The following PAPPA variants were observed in gnomAD, a reference collection of about 807,000 sequenced individuals.
The protein encoded by PAPPA is pappalysin-1.
In PAPPA, 60 loss-of-function variants were observed where a neutral mutation model predicts 164.0. The observed-to-expected ratio is 0.37, with a 90% CI of 0.30 to 0.45. PAPPA has a LOEUF of 0.45. Among genes scored for constraint, PAPPA ranks in the 20% least tolerant of loss-of-function variants. The pLI is 1.00. For synonymous variants in PAPPA, 875 were observed against 814.1 expected, an observed-to-expected ratio of 1.07 and a Z score of -1.27; for missense variants, 1,782 against 2,087.3, an observed-to-expected ratio of 0.85 and a Z score of 2.85.
At chr9:116,378,922 TACTTG>T (rs1230630571) in intron 20 of PAPPA, among the ~76,000 whole-genome samples, 4 of 152,222 alleles carry the variant, frequency 2.6e-5, no homozygotes, top group Non-Finnish European at 5.9e-5. Flanking sequence ...CTTGACATTG[TACTTG>T]ACTTTAGGAA....
chr9:116,210,042 C>T (rs370104411), intron 3 of PAPPA, among the ~76,000 whole-genome samples: 1 of 152,232 alleles, frequency 6.6e-6, no homozygotes. Context: ...TGCTATTACA[C>T]CATGATCCCT....
intron 14 of PAPPA, among the ~76,000 whole-genome samples, chr9:116,346,799 G>A (rs1210126778): frequency 6.6e-6 from 1 of 152,138 alleles, no homozygotes. Flanking sequence ...GTTAACTTAA[G>A]GCTGATCATG....
intron 7 of PAPPA, among the ~76,000 whole-genome samples, chr9:116,265,110 T>C (rs932037943): frequency 2.0e-5 from 3 of 152,156 alleles, no homozygotes; most frequent in Non-Finnish European, 4.4e-5. Flanking sequence ...AGGCAGAATA[T>C]AGGATATCAC....
At chr9:116,386,035 G>GTCTT (rs1209054846) in intron 21 of PAPPA, among the ~76,000 whole-genome samples, 2 of 152,216 alleles carry the variant, frequency 1.3e-5, no homozygotes, top group African/African-American at 4.8e-5. Context: ...AGGGAACAGA[G>GTCTT]TCTTCCTGGT....
At chr9:116,346,113 T>C (rs1846206025) in intron 14 of PAPPA, among the ~76,000 whole-genome samples, 1 of 152,152 alleles carries the variant, frequency 6.6e-6, no homozygotes, top group South Asian at 2.1e-4. Flanking sequence ...ATCCCTTTGA[T>C]GTGTGCTTAA....
chr9:116,200,631 G>T (rs1370716291), intron 2 of PAPPA, among the ~76,000 whole-genome samples: 1 of 152,144 alleles, frequency 6.6e-6, no homozygotes, highest in African/African-American at 2.4e-5. Context: ...ATATTATGTT[G>T]TGATCTTTCA....
chr9:116,377,223 C>T (rs892183358), intron 19 of PAPPA, among the ~76,000 whole-genome samples: 7 of 151,852 alleles, frequency 4.6e-5, no homozygotes, highest in African/African-American at 1.7e-4. Flanking sequence ...CACACACACA[C>T]ACCCCTCCTC....
intron 21 of PAPPA, among the ~76,000 whole-genome samples, chr9:116,383,771 G>GCCTACCCTTCTT (rs1475421851): frequency 6.6e-6 from 1 of 152,178 alleles, no homozygotes; most frequent in African/African-American, 2.4e-5. Context: ...TTTTCAGCAT[G>GCCTACCCTTCTT]CCTACCCTTC....
intron 10 of PAPPA, among the ~76,000 whole-genome samples, chr9:116,313,082 C>CAAA (rs59596284): frequency 0.12 from 7,905 of 68,188 alleles, 344 homozygotes; most frequent in East Asian, 0.18. Context: ...GACTCCATCT[C>CAAA]AAAAAAAAAA....
intron 21 of PAPPA, among the ~76,000 whole-genome samples, chr9:116,392,340 A>G (rs890522021): frequency 1.3e-5 from 2 of 152,032 alleles, no homozygotes; most frequent in Admixed American, 6.5e-5. Context: ...TGCATCACCA[A>G]CTCACTGACT....
At chr9:116,309,163 C>G (rs551798380) in intron 10 of PAPPA, among the ~76,000 whole-genome samples, 2 of 152,010 alleles carry the variant, frequency 1.3e-5, no homozygotes, top group African/African-American at 4.8e-5. Context: ...GCAGCCTCCA[C>G]CTCCCAGGTT....
At chr9:116,190,412 T>C (rs897884408) in intron 2 of PAPPA, among the ~76,000 whole-genome samples, 7 of 152,352 alleles carry the variant, frequency 4.6e-5, no homozygotes, top group African/African-American at 1.7e-4. Context: ...CCCTTAGCCC[T>C]GTTTTGCTTT....
rs968531100 is a variant in PAPPA, at chr9:116,353,048, A to G, written c.4175+132A>G. The stretch of plus-strand genomic sequence containing the variant: ...GCCATTCATCCCATTCTGTTCTGTG[A>G]GAAGCTAGAAGGATTTGTTAATAAT... On this transcript the variant is annotated intron_variant, in intron 16 of 21. Transcript: ENST00000328252. The G allele has an allele frequency of 5.4e-6, 4 of 734,126 alleles. No homozygotes were observed. In the Admixed American group the frequency reaches 8.7e-5, roughly 16 times the overall value. 45.5% of individuals were successfully genotyped at this position (734,126 alleles called of 1,614,324 possible). A position where few individuals can be genotyped will look rare whatever the true frequency, so the allele number is the denominator to read the frequency against.
intron 14 of PAPPA, among the ~76,000 whole-genome samples, chr9:116,346,822 G>C (rs891142015): frequency 1.3e-5 from 2 of 152,154 alleles, no homozygotes; most frequent in Non-Finnish European, 2.9e-5. Context: ...ATGTCTCTGA[G>C]TCTCAGTCTC....
intron 10 of PAPPA, among the ~76,000 whole-genome samples, chr9:116,304,006 G>A (rs1242304985): frequency 6.6e-6 from 1 of 152,136 alleles, no homozygotes; most frequent in South Asian, 2.1e-4. Context: ...TGGTAACATG[G>A]CATTTCCTGA....
At chr9:116,250,987 C>A (rs951052666) in intron 7 of PAPPA, among the ~76,000 whole-genome samples, 1 of 152,056 alleles carries the variant, frequency 6.6e-6, no homozygotes, top group Non-Finnish European at 1.5e-5. Flanking sequence ...CAGCTGGTGC[C>A]GGTGATGGGG....
chr9:116,384,634 C>T (rs956402654), intron 21 of PAPPA, among the ~76,000 whole-genome samples: 11 of 151,994 alleles, frequency 7.2e-5, no homozygotes, highest in African/African-American at 2.4e-4. Flanking sequence ...TGCTCATGAG[C>T]GTCTTTGCAC....
At chr9:116,238,938 G>A (rs573505735) in intron 7 of PAPPA, among the ~76,000 whole-genome samples, 1 of 152,210 alleles carries the variant, frequency 6.6e-6, no homozygotes, top group Non-Finnish European at 1.5e-5. Flanking sequence ...GTATTTTGCT[G>A]CTTTCACATT....
At chr9:116,252,461 C>A (rs946358595) in intron 7 of PAPPA, among the ~76,000 whole-genome samples, 4 of 152,186 alleles carry the variant, frequency 2.6e-5, no homozygotes, top group African/African-American at 9.7e-5. Flanking sequence ...GAGTCCTCAG[C>A]ATGACAGCTT....
Sources: gnomAD v4.1 joint callset for allele counts (sites outside exome capture counted in the v4.1 genomes callset) on GRCh38, gnomAD v4.1.1 for gene constraint, MANE v1.5 for transcripts, NCBI Gene and HGNC (gene_info 2026-07-23, HGNC 2026-07-21) for gene names.